RABL2B: variants seen among roughly 807,000 people sequenced by gnomAD.
RABL2B encodes rab-like protein 2B.
Under a neutral mutation model 26.7 loss-of-function variants are expected in RABL2B, and 17 were observed. The ratio of observed to expected loss-of-function variants is 0.64; its 90% CI spans 0.44 to 0.95. The LOEUF (loss-of-function observed/expected upper bound fraction) is 0.95, where lower values mean the gene tolerates loss of function less well. Among genes scored for constraint, RABL2B ranks in the 40% least tolerant of loss-of-function variants. The pLI, the probability that RABL2B is intolerant of heterozygous loss-of-function variation, is 0.00. For synonymous variants in RABL2B, 70 were observed against 103.9 expected, an observed-to-expected ratio of 0.67 and a Z score of 1.99; for missense variants, 170 against 277.2, an observed-to-expected ratio of 0.61 and a Z score of 2.75.
Position 50,767,629 on chromosome 22 carries a change from G to A in RABL2B, c.*1147C>T. The stretch of plus-strand genomic sequence containing the variant: ...ATACTAGCAAGCCACAAGTACCAGA[G>A]AGGGGTGAACAGGCATATCTGCTAG... On this transcript the variant is annotated 3_prime_UTR_variant, in exon 9 of 9. Transcript: ENST00000691320. The A allele has an allele frequency of 2.9e-6, 1 of 341,046 alleles. No homozygotes were observed. The highest frequency in any genetic ancestry group is 5.7e-6 in the Non-Finnish European group (1 of 174,720). 21.1% of individuals were successfully genotyped at this position (341,046 alleles called of 1,614,324 possible). A position where few individuals can be genotyped will look rare whatever the true frequency, so the allele number is the denominator to read the frequency against.
At chr22:50,773,863 G>C (rs547860482) in intron 5 of RABL2B, among the ~76,000 whole-genome samples, 1 of 151,956 alleles carries the variant, frequency 6.6e-6, no homozygotes, top group Non-Finnish European at 1.5e-5. Context: ...GGCTAGAAAG[G>C]TGGGTGTCTA....
intron 1 of RABL2B, 95 bp from the exon 2 acceptor site, chr22:50,782,442 C>T (rs1241955400): frequency 6.7e-7 from 1 of 1,499,200 alleles, no homozygotes; most frequent in Non-Finnish European, 9.1e-7. Context: ...TCCCTCAGTG[C>T]CAGACTGAGA....
intron 1 of RABL2B, among the ~76,000 whole-genome samples, 168 bp from the exon 2 acceptor site, chr22:50,782,515 A>G (rs143159107): frequency 1.3e-5 from 2 of 152,348 alleles, no homozygotes; most frequent in East Asian, 3.9e-4. Flanking sequence ...CATCAATAAT[A>G]TGTTATACAC....
chr22:50,771,997 T>C (rs1350459333), intron 5 of RABL2B: 2 of 152,138 alleles, frequency 1.3e-5, no homozygotes, highest in East Asian at 3.9e-4. Context: ...ACCTATTTTA[T>C]TTTTATTTAT....
At chr22:50,772,974 C>T (rs1297227867) in intron 5 of RABL2B, 1 of 1,290,068 alleles carries the variant, frequency 7.8e-7, no homozygotes, top group Non-Finnish European at 1.0e-6. Flanking sequence ...TTCTACTCGC[C>T]AGGGCCCGTG....
Position 50,769,280 on chromosome 22 carries a change from C to T in RABL2B, c.508-156G>A, listed in dbSNP as rs2083783371. On this transcript the variant is annotated intron_variant, in intron 7 of 8. Transcript: ENST00000691320. ...CCCGTCACCCTGACCTATGTATGGTCAATGGACTTCTGCCTCATCAAGTCC... is the reference window on the plus strand; with the variant it reads ...CCCGTCACCCTGACCTATGTATGGTTAATGGACTTCTGCCTCATCAAGTCC... The T allele has an allele frequency of 2.5e-5, 26 of 1,026,910 alleles. No individual in the cohort carries two copies. In the South Asian group the frequency reaches 3.9e-4, roughly 15 times the overall value. The allele number at this position is 1,026,910 out of a possible 1,614,324, so 63.6% of individuals were successfully genotyped here.
intron 5 of RABL2B, among the ~76,000 whole-genome samples, chr22:50,770,908 T>TG (rs1335662247): frequency 7.3e-6 from 1 of 136,458 alleles, no homozygotes; most frequent in Non-Finnish European, 1.5e-5. Flanking sequence ...TTTATTTTTT[T>TG]ATTTTTTTTT....
Position 50,767,851 on chromosome 22 carries a change from T to C in RABL2B, c.*925A>G. 2.4e-6 allele frequency: 1 copy of C among 415,030 alleles called. No homozygotes were observed. The highest frequency in any genetic ancestry group is 1.7e-5 in the South Asian group (1 of 57,792). 25.7% of individuals were successfully genotyped at this position (415,030 alleles called of 1,614,324 possible). On this transcript the variant is annotated 3_prime_UTR_variant, in exon 9 of 9. Transcript: ENST00000691320. Reference sequence around the variant, plus strand: ...GTATTCCTAACTATAGCTAGGCCTGTCACCTGCTGTTCCTGTGATCTCAGC... The same window carrying C: ...GTATTCCTAACTATAGCTAGGCCTGCCACCTGCTGTTCCTGTGATCTCAGC...
intron 4 of RABL2B, 77 bp downstream of exon 4, chr22:50,776,593 G>T: frequency 6.5e-7 from 1 of 1,546,158 alleles, no homozygotes; most frequent in Non-Finnish European, 8.8e-7. Flanking sequence ...CTCTCCTTAT[G>T]AACCTTCCCT....
In RABL2B at chr22:50,767,707, T is replaced by C. The variant is rs2083608565; in HGVS notation, c.*1069A>G. 2.2e-6 allele frequency: 1 copy of C among 454,796 alleles called. No homozygotes were observed. Among genetic ancestry groups the C allele is most frequent in the African/African-American group, 2.0e-5 (1 of 49,968 alleles). 28.2% of individuals were successfully genotyped at this position (454,796 alleles called of 1,614,324 possible). A position where few individuals can be genotyped will look rare whatever the true frequency, so the allele number is the denominator to read the frequency against. On this transcript the variant is annotated 3_prime_UTR_variant, in exon 9 of 9. Coordinates refer to ENST00000691320, the MANE Select transcript of RABL2B (RefSeq NM_001130919.3). ...ACAGGAGGCACAAGGTCCAAACTAT[T>C]CCTCAAAAAAAAGGACAGCCTCTTT...
chr22:50,773,550 C>T (rs1277973197), intron 5 of RABL2B, among the ~76,000 whole-genome samples: 4 of 151,542 alleles, frequency 2.6e-5, no homozygotes, highest in South Asian at 2.1e-4. Flanking sequence ...GGAGCACACA[C>T]GAAAGAGCTA....
At chr22:50,776,152 C>T (rs1205434497) in intron 4 of RABL2B, among the ~76,000 whole-genome samples, 6 of 152,126 alleles carry the variant, frequency 3.9e-5, no homozygotes, top group Non-Finnish European at 7.4e-5. Context: ...CCACGTGACA[C>T]GCAGGGTCCT....
chr22:50,771,329 G>A (rs1482388231), intron 5 of RABL2B: 7 of 148,840 alleles, frequency 4.7e-5, no homozygotes, highest in Non-Finnish European at 8.8e-5. Context: ...GGAGTGCAGT[G>A]GCGCTATCTT....
rs200979185 is a variant in RABL2B at position 50,769,904 on chromosome 22, C to A, written c.409+1G>T. The stretch of plus-strand genomic sequence containing the variant: ...ACACCCAGGTGCAGGGATGGCCCCA[C>A]CATCAATTTTATTGGCCACCACGAT... On this transcript the variant is annotated splice_donor_variant, in intron 6 of 8. Coordinates refer to ENST00000691320, the MANE Select transcript of RABL2B (RefSeq NM_001130919.3). LOFTEE classifies it high-confidence loss of function. 21 of 1,612,826 alleles carry A rather than the reference C, an allele frequency of 1.3e-5. No homozygotes were observed. Among genetic ancestry groups the A allele is most frequent in the Non-Finnish European group, 1.7e-5 (20 of 1,179,246 alleles).
At chr22:50,770,911 T>TA (rs567082861) in intron 5 of RABL2B, among the ~76,000 whole-genome samples, 18,785 of 128,232 alleles carry the variant, frequency 0.15, 1,995 homozygotes, top group African/African-American at 0.32. Context: ...ATTTTTTTAT[T>TA]TTTTTTTTTT....
chr22:50,768,206 C>G lies in RABL2B; in HGVS notation c.*570G>C, dbSNP rs550151315. 79 of 202,268 alleles carry G rather than the reference C, an allele frequency of 3.9e-4. No individual in the cohort carries two copies. The Middle Eastern group carries it at 0.011, about 27-fold the overall frequency. The allele number at this position is 202,268 out of a possible 1,614,324, so 12.5% of individuals were successfully genotyped here. ...AGCGAGCCGAGACTGCGCCACTGCACTCCAGCCTGGCGACAGAGCGAGACT... is the reference window on the plus strand; with the variant it reads ...AGCGAGCCGAGACTGCGCCACTGCAGTCCAGCCTGGCGACAGAGCGAGACT... On this transcript the variant is annotated 3_prime_UTR_variant, in exon 9 of 9. Coordinates refer to ENST00000691320, the MANE Select transcript of RABL2B (RefSeq NM_001130919.3).
chr22:50,772,514 A>C lies in RABL2B; in HGVS notation c.298-2498T>G, dbSNP rs1175946925. ...CAGTCAGTGGATTAAAGTTACAGAC[A>C]ACCACCACCCTGTAACCGCTGGCAC... On this transcript the variant is annotated intron_variant, in intron 5 of 8. Coordinates refer to ENST00000691320, the MANE Select transcript of RABL2B (RefSeq NM_001130919.3). 6 of 990,524 alleles carry C rather than the reference A, an allele frequency of 6.1e-6. 1 individual carries two copies. Among genetic ancestry groups the C allele is most frequent in the Middle Eastern group, 1.0e-3 (2 of 1,940 alleles). 61.4% of individuals were successfully genotyped at this position (990,524 alleles called of 1,614,324 possible). A position where few individuals can be genotyped will look rare whatever the true frequency, so the allele number is the denominator to read the frequency against.
chr22:50,770,565 A>C (rs1189179780), intron 5 of RABL2B: 7 of 155,884 alleles, frequency 4.5e-5, no homozygotes, highest in Non-Finnish European at 1.0e-4. Flanking sequence ...CTTGTCATCT[A>C]ATCTTATTCA....
chr22:50,776,833 G>T, intron 3 of RABL2B, 84 bp from the exon 4 acceptor site: 3 of 1,512,938 alleles, frequency 2.0e-6, no homozygotes, highest in Middle Eastern at 1.7e-4. Context: ...TGATGAAATG[G>T]ATCCTCTCCC....
Sources: allele counts gnomAD v4.1 joint callset (sites outside exome capture counted in the v4.1 genomes callset), GRCh38; gene constraint gnomAD v4.1.1; transcripts MANE v1.5; gene names NCBI Gene and HGNC (gene_info 2026-07-23, HGNC 2026-07-21).